The following WFDC11 variants were observed in gnomAD, a reference collection of about 807,000 sequenced individuals.
WFDC11 encodes the protein WAP four-disulfide core domain 11.
A neutral mutation model predicts 9.9 loss-of-function variants in WFDC11; 9 were observed. The ratio of observed to expected loss-of-function variants is 0.91; its 90% CI spans 0.55 to 1.58. The LOEUF is 1.58. WFDC11 is among the 40% of genes most tolerant of loss of function. WFDC11 has a pLI of 0.00. For missense variants in WFDC11, 106 were observed against 101.7 expected (o/e 1.04, Z -0.18); for synonymous variants, 32 against 33.3 (o/e 0.96, Z 0.13).
At chr20:45,667,399 CAA>C (rs1568664875) in intron 1 of WFDC11, among the ~76,000 whole-genome samples, 1 of 152,220 alleles carries the variant, frequency 6.6e-6, no homozygotes, top group East Asian at 1.9e-4. Flanking sequence ...AACACACACA[CAA>C]GTCTGGCTGA....
At chr20:45,649,491 G>A in intron 3 of WFDC11, 92 bp from the exon 4 acceptor site, 1 of 1,488,472 alleles carries the variant, frequency 6.7e-7, no homozygotes, top group African/African-American at 1.4e-5. Flanking sequence ...GTTCCTCCTG[G>A]AATCTGGGCC....
chr20:45,665,519 C>T (rs1039717090), intron 2 of WFDC11, among the ~76,000 whole-genome samples: 1 of 152,224 alleles, frequency 6.6e-6, no homozygotes, highest in Non-Finnish European at 1.5e-5. Context: ...GAATTTTAAG[C>T]TTTTCTGCTC....
intron 2 of WFDC11, among the ~76,000 whole-genome samples, chr20:45,658,294 A>T (rs985577015): frequency 2.8e-4 from 43 of 152,312 alleles, no homozygotes; most frequent in African/African-American, 9.6e-4. Flanking sequence ...AACTAAGGGC[A>T]CTATGCTATA....
At chr20:45,658,121 T>G (rs1982975842) in intron 2 of WFDC11, among the ~76,000 whole-genome samples, 3 of 152,178 alleles carry the variant, frequency 2.0e-5, no homozygotes, top group African/African-American at 7.2e-5. Context: ...TGAAGACAAG[T>G]ATACACCCAT....
At chr20:45,653,435 T>C (rs1021267761) in intron 2 of WFDC11, among the ~76,000 whole-genome samples, 8 of 151,986 alleles carry the variant, frequency 5.3e-5, no homozygotes, top group Non-Finnish European at 1.2e-4. Flanking sequence ...AAGGAAGCAC[T>C]AAACATGGAA....
At chr20:45,658,866 C>G (rs1351845382) in intron 2 of WFDC11, among the ~76,000 whole-genome samples, 3 of 151,598 alleles carry the variant, frequency 2.0e-5, no homozygotes, top group African/African-American at 7.3e-5. Flanking sequence ...TGCTATCCCT[C>G]CCCCACATCC....
At chr20:45,654,727 C>T (rs1982884805) in intron 2 of WFDC11, among the ~76,000 whole-genome samples, 1 of 151,962 alleles carries the variant, frequency 6.6e-6, no homozygotes, top group Admixed American at 6.6e-5. Flanking sequence ...CAAATAGATG[C>T]AATAAAAAAT....
intron 2 of WFDC11, among the ~76,000 whole-genome samples, chr20:45,663,964 A>C (rs539170763): frequency 1.3e-5 from 2 of 152,274 alleles, no homozygotes; most frequent in African/African-American, 2.4e-5. Context: ...GCTGAGTTCA[A>C]GTCCTGGATA....
At chr20:45,649,806 G>A (rs4810461) in intron 3 of WFDC11, among the ~76,000 whole-genome samples, 35,202 of 151,890 alleles carry the variant, frequency 0.23, 4,638 homozygotes, top group East Asian at 0.55. Context: ...ACAGAGTGGG[G>A]AGCTAGGCCA....
intron 3 of WFDC11, among the ~76,000 whole-genome samples, chr20:45,649,962 C>A (rs1318372673): frequency 6.6e-6 from 1 of 152,046 alleles, no homozygotes; most frequent in Non-Finnish European, 1.5e-5. Flanking sequence ...TCATATGACC[C>A]CCAAGGTTGC....
intron 2 of WFDC11, among the ~76,000 whole-genome samples, chr20:45,664,833 T>C (rs1420746119): frequency 1.3e-5 from 2 of 152,212 alleles, no homozygotes; most frequent in Non-Finnish European, 2.9e-5. Flanking sequence ...GACCCTTCTC[T>C]CTGGGTGCCC....
At chr20:45,649,435 A>G in intron 3 of WFDC11, 36 bp from the exon 4 acceptor site, 14 of 1,608,594 alleles carry the variant, frequency 8.7e-6, no homozygotes, top group Non-Finnish European at 1.2e-5. Context: ...GGTTGATGGT[A>G]TGTTTCAGCC....
chr20:45,659,473 C>A (rs1983006497), intron 2 of WFDC11, among the ~76,000 whole-genome samples: 1 of 152,184 alleles, frequency 6.6e-6, no homozygotes, highest in Admixed American at 6.5e-5. Context: ...TGATGACGAG[C>A]TTTTTTTCAT....
intron 2 of WFDC11, among the ~76,000 whole-genome samples, chr20:45,666,827 A>G (rs1983197593): frequency 6.6e-6 from 1 of 152,236 alleles, no homozygotes; most frequent in Non-Finnish European, 1.5e-5. Flanking sequence ...TAAGTTATGT[A>G]TTCTCAATGG....
intron 2 of WFDC11, among the ~76,000 whole-genome samples, chr20:45,652,129 C>G (rs1982821161): frequency 6.6e-6 from 1 of 152,250 alleles, no homozygotes; most frequent in Non-Finnish European, 1.5e-5. Context: ...AACAGACAGA[C>G]TGCCTTCTCA....
chr20:45,666,657 C>G (rs532451656), intron 2 of WFDC11, among the ~76,000 whole-genome samples: 2 of 152,232 alleles, frequency 1.3e-5, no homozygotes, highest in African/African-American at 2.4e-5. Flanking sequence ...ATCAAACATA[C>G]TTTTATCTAT....
At chr20:45,660,434 C>A (rs977519255) in intron 2 of WFDC11, among the ~76,000 whole-genome samples, 8 of 151,628 alleles carry the variant, frequency 5.3e-5, no homozygotes, top group Non-Finnish European at 1.0e-4. Flanking sequence ...TATTATTATA[C>A]TTTAAGTTTT....
intron 2 of WFDC11, among the ~76,000 whole-genome samples, chr20:45,666,270 C>A (rs1199417036): frequency 1.3e-5 from 2 of 152,360 alleles, no homozygotes; most frequent in East Asian, 3.9e-4. Flanking sequence ...GTTGCTAAGA[C>A]CTTGGGAAAA....
chr20:45,650,296 A>G (rs1053825408), intron 3 of WFDC11, among the ~76,000 whole-genome samples: 8 of 152,146 alleles, frequency 5.3e-5, no homozygotes, highest in African/African-American at 1.9e-4. Context: ...AGATATTGCT[A>G]TTTTAAAGGT....
Sources: allele counts gnomAD v4.1 joint callset (sites outside exome capture counted in the v4.1 genomes callset), GRCh38; gene constraint gnomAD v4.1.1; transcripts MANE v1.5; gene names NCBI Gene and HGNC (gene_info 2026-07-23, HGNC 2026-07-21).